RBFOX1: variants seen among roughly 807,000 people sequenced by gnomAD.
The protein encoded by RBFOX1 is RNA binding protein fox-1 homolog 1.
In RBFOX1, 8 loss-of-function variants were observed where a neutral mutation model predicts 57.7. That is an observed-to-expected ratio of 0.14 (90% confidence interval 0.08 to 0.25). The LOEUF (loss-of-function observed/expected upper bound fraction) is 0.25, where lower values mean the gene tolerates loss of function less well. Ranked by LOEUF, RBFOX1 falls within the 10% of genes least tolerant of loss-of-function variation. RBFOX1 has a pLI of 1.00. For synonymous variants in RBFOX1, 326 were observed against 222.4 expected (o/e 1.47, Z -4.15); for missense variants, 611 against 548.5 (o/e 1.11, Z -1.14).
At chr16:6,359,870 A>G (rs1043879331) in intron 2 of RBFOX1, among the ~76,000 whole-genome samples, 12 of 152,332 alleles carry the variant, frequency 7.9e-5, no homozygotes, top group African/African-American at 2.4e-4. Flanking sequence ...ATTTATAGAA[A>G]TTATAAAGCT....
chr16:6,530,393 G>A (rs920786633), intron 2 of RBFOX1, among the ~76,000 whole-genome samples: 3 of 152,160 alleles, frequency 2.0e-5, no homozygotes, highest in Non-Finnish European at 4.4e-5. Flanking sequence ...ATTCCAAGAG[G>A]CTCACCTGCA....
intron 3 of RBFOX1, among the ~76,000 whole-genome samples, chr16:6,799,707 C>T (rs7196603): frequency 0.21 from 31,980 of 152,080 alleles, 4,354 homozygotes; most frequent in Non-Finnish European, 0.3. Flanking sequence ...TTCCACCTTT[C>T]GTCTTTCTCC....
chr16:7,108,725 A>G (rs4520856), intron 4 of RBFOX1, among the ~76,000 whole-genome samples: 84,935 of 152,000 alleles, frequency 0.56, 23,911 homozygotes, highest in South Asian at 0.7. Context: ...ATCCTCTGAT[A>G]GCACTAGTGG....
At chr16:7,174,838 G>A (rs571926066) in intron 4 of RBFOX1, among the ~76,000 whole-genome samples, 15 of 152,188 alleles carry the variant, frequency 9.9e-5, no homozygotes, top group East Asian at 1.9e-4. Context: ...AAGCGGTTGC[G>A]TTATTCAATA....
chr16:6,175,517 C>T (rs987725865), intron 1 of RBFOX1, among the ~76,000 whole-genome samples: 1 of 151,740 alleles, frequency 6.6e-6, no homozygotes, highest in Non-Finnish European at 1.5e-5. Flanking sequence ...GGGGTGGGGG[C>T]GAGAGGATGG....
intron 2 of RBFOX1, among the ~76,000 whole-genome samples, chr16:6,651,264 A>G (rs1208115283): frequency 6.6e-6 from 1 of 152,174 alleles, no homozygotes; most frequent in Non-Finnish European, 1.5e-5. Context: ...CCCTGCCTCC[A>G]TGGAGAGCAT....
At chr16:6,686,548 A>G (rs1011467078) in intron 3 of RBFOX1, among the ~76,000 whole-genome samples, 7 of 152,218 alleles carry the variant, frequency 4.6e-5, no homozygotes, top group African/African-American at 7.2e-5. Context: ...CATCTTGGGA[A>G]CATTTCTCAG....
At position 6,135,372 on chromosome 16, in the gene RBFOX1, A is replaced by T. The variant is rs113559033; in HGVS notation, c.-127+115380A>T. On this transcript the variant is annotated intron_variant, in intron 1 of 15. Transcript: ENST00000550418. ...TAAGAGAATGAGATGACAAGGTACC[A>T]TAGAATTCAGTGCAGGTATTATTAT... 9.1e-3 allele frequency among the ~76,000 whole-genome samples: 1,380 copies of T among 152,326 alleles called. 24 individuals carry two copies. The highest frequency in any genetic ancestry group is 0.032 in the African/African-American group (1,322 of 41,572).
intron 4 of RBFOX1, among the ~76,000 whole-genome samples, chr16:7,432,355 C>T (rs1381660365): frequency 3.3e-5 from 5 of 152,162 alleles, no homozygotes; most frequent in South Asian, 2.1e-4. Flanking sequence ...CCCCACTCAT[C>T]TTTACTCTTT....
chr16:6,800,965 C>T (rs1295799438), intron 3 of RBFOX1, among the ~76,000 whole-genome samples: 3 of 152,044 alleles, frequency 2.0e-5, no homozygotes, highest in African/African-American at 7.2e-5. Context: ...GGGTATCTGA[C>T]AACAGTGTGG....
At chr16:5,633,475 A>C (rs1288339464) in intron 3 of RBFOX1, among the ~76,000 whole-genome samples, 1 of 152,228 alleles carries the variant, frequency 6.6e-6, no homozygotes, top group Admixed American at 6.5e-5. Flanking sequence ...CCCAATATGT[A>C]GTCTTTTAGA....
intron 3 of RBFOX1, among the ~76,000 whole-genome samples, chr16:5,832,258 G>T (rs1243865109): frequency 6.6e-6 from 1 of 152,252 alleles, no homozygotes; most frequent in African/African-American, 2.4e-5. Flanking sequence ...TGAAACAGGA[G>T]TAAGGCTGTG....
At chr16:6,237,469 T>G (rs1019870721) in intron 1 of RBFOX1, among the ~76,000 whole-genome samples, 2 of 152,100 alleles carry the variant, frequency 1.3e-5, no homozygotes, top group Non-Finnish European at 2.9e-5. Context: ...TTTCATCAGT[T>G]CTAAAACCAG....
At chr16:5,852,069 A>T (rs2056911197) in intron 3 of RBFOX1, among the ~76,000 whole-genome samples, 1 of 152,208 alleles carries the variant, frequency 6.6e-6, no homozygotes, top group African/African-American at 2.4e-5. Flanking sequence ...TTGGCATTAT[A>T]TGTTAAAAGT....
chr16:6,530,600 C>G (rs147863881), intron 2 of RBFOX1, among the ~76,000 whole-genome samples: 25 of 152,140 alleles, frequency 1.6e-4, no homozygotes, highest in African/African-American at 4.1e-4. Flanking sequence ...GGGTAATTTA[C>G]AAAGAAAAAG....
intron 1 of RBFOX1, among the ~76,000 whole-genome samples, chr16:6,261,280 T>C (rs1028541374): frequency 1.3e-5 from 2 of 152,228 alleles, no homozygotes; most frequent in Admixed American, 1.3e-4. Context: ...TGTGTGTGTT[T>C]CACCAAAATC....
At chr16:5,794,281 C>G (rs540256724) in intron 3 of RBFOX1, among the ~76,000 whole-genome samples, 134 of 151,826 alleles carry the variant, frequency 8.8e-4, no homozygotes, top group South Asian at 3.7e-3. Flanking sequence ...CTCTTTGTTT[C>G]CCTCCTTCAC....
At chr16:6,790,376 G>T (rs555851699) in intron 3 of RBFOX1, among the ~76,000 whole-genome samples, 9 of 151,840 alleles carry the variant, frequency 5.9e-5, no homozygotes, top group Non-Finnish European at 1.3e-4. Context: ...GTAGAGATGG[G>T]GTTTCACCAT....
At chr16:6,363,174 T>C (rs543685990) in intron 2 of RBFOX1, among the ~76,000 whole-genome samples, 1 of 152,342 alleles carries the variant, frequency 6.6e-6, no homozygotes, top group African/African-American at 2.4e-5. Context: ...TTTATTTATA[T>C]TGAAAATATA....
Sources: gnomAD v4.1 joint callset for allele counts (sites outside exome capture counted in the v4.1 genomes callset) on GRCh38, gnomAD v4.1.1 for gene constraint, MANE v1.5 for transcripts, NCBI Gene and HGNC (gene_info 2026-07-23, HGNC 2026-07-21) for gene names.